Variants in PCDH7 observed in about 807,000 individuals in gnomAD.
The protein encoded by PCDH7 is protocadherin-7.
In PCDH7, 17 loss-of-function variants were observed where a neutral mutation model predicts 58.9. The ratio of observed to expected loss-of-function variants is 0.29; its 90% CI spans 0.20 to 0.43. The LOEUF (loss-of-function observed/expected upper bound fraction) is 0.43, where lower values mean the gene tolerates loss of function less well. Among genes scored for constraint, PCDH7 ranks in the 20% least tolerant of loss-of-function variants. The probability of loss-of-function intolerance (pLI) is 1.00; values close to 1 mark genes in which losing one functional copy is unlikely to be tolerated. For synonymous variants in PCDH7, 664 were observed against 616.4 expected, an observed-to-expected ratio of 1.08 and a Z score of -1.14; for missense variants, 1,274 against 1,441.0, an observed-to-expected ratio of 0.88 and a Z score of 1.88.
At chr4:30,905,514 G>C (rs1340178259) in intron 1 of PCDH7, among the ~76,000 whole-genome samples, 2 of 151,928 alleles carry the variant, frequency 1.3e-5, no homozygotes, top group Non-Finnish European at 2.9e-5. Flanking sequence ...CTTGTATTCT[G>C]TGAATGCTTT....
At chr4:30,961,266 C>T (rs959505089) in intron 3 of PCDH7, among the ~76,000 whole-genome samples, 14 of 151,258 alleles carry the variant, frequency 9.3e-5, no homozygotes, top group Admixed American at 1.3e-4. Flanking sequence ...CTTGGCACGC[C>T]GGGCACGGTG....
Position 30,955,746 on chromosome 4 carries a change from A to G in PCDH7, c.*7+5531A>G, listed in dbSNP as rs191178672. Reference sequence around the variant, plus strand: ...TTATTTTTAGTGGAGACAGGGTTTCACCATGTTGACCAGGCTGGTCTCAAA... The same window carrying G: ...TTATTTTTAGTGGAGACAGGGTTTCGCCATGTTGACCAGGCTGGTCTCAAA... On this transcript the variant is annotated intron_variant, in intron 3 of 3. Coordinates refer to the PCDH7 transcript ENST00000509759. Among the ~76,000 whole-genome samples, 66 of 151,494 alleles carry G rather than the reference A, an allele frequency of 4.4e-4. No homozygotes were observed. The East Asian group carries it at 0.011, about 26-fold the overall frequency.
At chr4:31,085,853 C>CTT (rs10650645) in intron 3 of PCDH7, among the ~76,000 whole-genome samples, 29,201 of 138,738 alleles carry the variant, frequency 0.21, 3,360 homozygotes, top group Admixed American at 0.28. Flanking sequence ...CTCTCTCTCT[C>CTT]TTTTTTTTTT....
At chr4:30,902,523 A>G (rs1055135876) in intron 1 of PCDH7, among the ~76,000 whole-genome samples, 1 of 152,176 alleles carries the variant, frequency 6.6e-6, no homozygotes, top group Non-Finnish European at 1.5e-5. Flanking sequence ...AATGAGATCC[A>G]GGGAGCAGAA....
At chr4:31,131,444 G>C (rs992701585) in intron 3 of PCDH7, among the ~76,000 whole-genome samples, 1 of 152,042 alleles carries the variant, frequency 6.6e-6, no homozygotes, top group Admixed American at 6.6e-5. Flanking sequence ...GCTCCTAATT[G>C]TGATTGCCAA....
chr4:30,814,338 C>T (rs1367618740), intron 1 of PCDH7, among the ~76,000 whole-genome samples: 3 of 152,008 alleles, frequency 2.0e-5, no homozygotes, highest in Non-Finnish European at 4.4e-5. Context: ...ATTTTTTCTG[C>T]AGCTTTAATT....
chr4:30,989,251 A>G lies in PCDH7; in HGVS notation c.*7+39036A>G, dbSNP rs73815137. ...AAGAATGGTGTAAATATCTGACTGCAAAACAAGCTAAGATAGGTACTCCTA... is the reference window on the plus strand; with the variant it reads ...AAGAATGGTGTAAATATCTGACTGCGAAACAAGCTAAGATAGGTACTCCTA... On this transcript the variant is annotated intron_variant, in intron 3 of 3. Transcript: ENST00000509759. Among the ~76,000 whole-genome samples, 735 of 149,628 alleles carry G rather than the reference A, an allele frequency of 4.9e-3. 6 individuals carry two copies. The highest frequency in any genetic ancestry group is 0.018 in the African/African-American group (704 of 39,040).
At chr4:30,924,764 T>G (rs1389543368) in intron 2 of PCDH7, among the ~76,000 whole-genome samples, 4 of 150,522 alleles carry the variant, frequency 2.7e-5, no homozygotes, top group Non-Finnish European at 5.9e-5. Flanking sequence ...CACAATAGAA[T>G]AAGCACATGT....
At chr4:30,880,761 G>C (rs1441136488) in intron 1 of PCDH7, among the ~76,000 whole-genome samples, 1 of 152,042 alleles carries the variant, frequency 6.6e-6, no homozygotes, top group Non-Finnish European at 1.5e-5. Context: ...AAATAATATA[G>C]AGTAACACAG....
intron 1 of PCDH7, among the ~76,000 whole-genome samples, chr4:30,726,461 T>G (rs1227477233): frequency 1.3e-5 from 2 of 152,068 alleles, no homozygotes; most frequent in African/African-American, 4.8e-5. Context: ...TGCTGTTACT[T>G]AAGCTTCATT....
intron 1 of PCDH7, among the ~76,000 whole-genome samples, chr4:30,743,243 C>T (rs1717314775): frequency 6.6e-6 from 1 of 152,188 alleles, no homozygotes; most frequent in South Asian, 2.1e-4. Flanking sequence ...GTTACATTGT[C>T]ACATTTTATT....
chr4:31,013,313 TAC>T (rs1295008987), intron 3 of PCDH7, among the ~76,000 whole-genome samples: 13 of 138,844 alleles, frequency 9.4e-5, no homozygotes, highest in South Asian at 8.0e-4. Context: ...TATATATGTA[TAC>T]ACACACACAC....
At chr4:31,125,132 A>C (rs1718148113) in intron 3 of PCDH7, among the ~76,000 whole-genome samples, 1 of 152,138 alleles carries the variant, frequency 6.6e-6, no homozygotes, top group Non-Finnish European at 1.5e-5. Context: ...TTTTACCAAC[A>C]CAGTAATTTT....
chr4:30,753,620 G>A (rs80245800), intron 1 of PCDH7, among the ~76,000 whole-genome samples: 3,673 of 152,228 alleles, frequency 0.024, 216 homozygotes, highest in East Asian at 0.22. Context: ...AGCTTCCATG[G>A]CAAAGACATG....
At chr4:30,729,578 C>A (rs1406678758) in intron 1 of PCDH7, among the ~76,000 whole-genome samples, 2 of 151,818 alleles carry the variant, frequency 1.3e-5, no homozygotes, top group Non-Finnish European at 2.9e-5. Context: ...TCCTTCCTAG[C>A]AATTAGTATA....
At chr4:30,850,252 G>T (rs979421536) in intron 1 of PCDH7, among the ~76,000 whole-genome samples, 3 of 152,134 alleles carry the variant, frequency 2.0e-5, no homozygotes, top group African/African-American at 4.8e-5. Context: ...CAATGACTGT[G>T]CTCAGTCTTC....
intron 3 of PCDH7, among the ~76,000 whole-genome samples, chr4:31,004,534 A>C (rs1752611828): frequency 6.6e-6 from 1 of 151,972 alleles, no homozygotes; most frequent in Admixed American, 6.6e-5. Flanking sequence ...ACATGGTGAA[A>C]CCCCATCTCT....
At chr4:30,821,773 C>T (rs992922456) in intron 1 of PCDH7, among the ~76,000 whole-genome samples, 5 of 152,070 alleles carry the variant, frequency 3.3e-5, no homozygotes, top group African/African-American at 9.7e-5. Flanking sequence ...GTTGAATTGC[C>T]GGAATTCAAA....
intron 1 of PCDH7, among the ~76,000 whole-genome samples, chr4:30,842,527 C>T (rs985361892): frequency 6.6e-6 from 1 of 152,064 alleles, no homozygotes; most frequent in African/African-American, 2.4e-5. Flanking sequence ...ATTATATCCC[C>T]AGAACATATA....
Sources: allele counts gnomAD v4.1 joint callset (sites outside exome capture counted in the v4.1 genomes callset), GRCh38; gene constraint gnomAD v4.1.1; transcripts MANE v1.5; gene names NCBI Gene and HGNC (gene_info 2026-07-23, HGNC 2026-07-21).